The following NIPA1 variants were observed in gnomAD, a reference collection of about 807,000 sequenced individuals.
NIPA1 encodes magnesium transporter NIPA1.
Under a neutral mutation model 23.9 loss-of-function variants are expected in NIPA1, and 13 were observed. The ratio of observed to expected loss-of-function variants is 0.54; its 90% CI spans 0.35 to 0.87. The LOEUF is 0.87. NIPA1 is among the 40% of genes least tolerant of loss of function. The probability of loss-of-function intolerance (pLI) is 0.01; values close to 1 mark genes in which losing one functional copy is unlikely to be tolerated. For synonymous variants in NIPA1, 234 were observed against 202.9 expected, an observed-to-expected ratio of 1.15 and a Z score of -1.30; for missense variants, 362 against 429.7, an observed-to-expected ratio of 0.84 and a Z score of 1.39.
rs1462156557 is a variant in NIPA1, at chr15:22,823,417, G to A, written c.479-311G>A. On this transcript the variant is annotated intron_variant, in intron 4 of 4. Coordinates refer to ENST00000337435, the MANE Select transcript of NIPA1 (RefSeq NM_144599.5). ...GGGTTTCACCATCTTGGCCAGGCTG[G>A]TCTTGAACTCCTGACCTCATGATCC... is the stretch of plus-strand genomic sequence containing the variant. 2.6e-5 allele frequency among the ~76,000 whole-genome samples: 4 copies of A among 151,640 alleles called. No individual in the cohort carries two copies. The East Asian group carries it at 5.8e-4, about 22-fold the overall frequency.
Position 22,824,275 on chromosome 15 carries a change from C to CCATCCA in NIPA1, c.*36_*37insCATCCA. The CCATCCA allele has an allele frequency of 6.3e-7, 1 of 1,575,834 alleles. No individual in the cohort carries two copies. The highest frequency in any genetic ancestry group is 8.7e-7 in the Non-Finnish European group (1 of 1,145,454). On this transcript the variant is annotated 3_prime_UTR_variant, in exon 5 of 5. Transcript: ENST00000337435. This position sits in a 1 kb window ranked among gnomAD's most constrained non-coding sequence, Gnocchi z 4.1. ...GAGCTTGGATGGTTCGAGGAATAGG[C>CCATCCA]ATTGGAGGTGGTTTCTGGCCGTGAT...
In NIPA1 at chr15:22,826,014, T is replaced by C. The variant is rs1274525354; in HGVS notation, c.*1775T>C. 2.0e-5 allele frequency: 3 copies of C among 152,122 alleles called. No individual in the cohort carries two copies. Among genetic ancestry groups the C allele is most frequent in the African/African-American group, 7.2e-5 (3 of 41,390 alleles). 9.4% of individuals were successfully genotyped at this position (152,122 alleles called of 1,614,324 possible). On this transcript the variant is annotated 3_prime_UTR_variant, in exon 5 of 5. Coordinates refer to ENST00000337435, the MANE Select transcript of NIPA1 (RefSeq NM_144599.5). Reference sequence around the variant, plus strand: ...CGCCAAGTTGAAAGATGGGGTTGGGTAAAGTAGATTAGGTGAAGTAGAACA... The same window carrying C: ...CGCCAAGTTGAAAGATGGGGTTGGGCAAAGTAGATTAGGTGAAGTAGAACA...
At chr15:22,786,498 G>A (rs1894699356), upstream of NIPA1, 6 of 163,192 alleles carry the variant, frequency 3.7e-5, no homozygotes, top group Admixed American at 3.9e-4. Context: ...GCAGCCTAAG[G>A]CGCCGGTCCC....
At chr15:22,790,062 G>A (rs979389589) in intron 1 of NIPA1, among the ~76,000 whole-genome samples, 1 of 151,698 alleles carries the variant, frequency 6.6e-6, no homozygotes, top group Non-Finnish European at 1.5e-5. Context: ...CCAAAGTGGT[G>A]GGATTACAGG....
intron 1 of NIPA1, among the ~76,000 whole-genome samples, chr15:22,800,273 A>G (rs1159390944): frequency 6.6e-6 from 1 of 152,166 alleles, no homozygotes; most frequent in Non-Finnish European, 1.5e-5. Flanking sequence ...GATCCCAAGC[A>G]AATTACCATT....
At chr15:22,818,551 CT>C (rs2140873797) in intron 3 of NIPA1, among the ~76,000 whole-genome samples, 1 of 152,088 alleles carries the variant, frequency 6.6e-6, no homozygotes, top group African/African-American at 2.4e-5. Context: ...AATCCCAGCA[CT>C]TTGGGAGGCG....
intron 3 of NIPA1, chr15:22,819,409 TACTG>T (rs1895490195): frequency 6.6e-6 from 1 of 152,180 alleles, no homozygotes; most frequent in Non-Finnish European, 1.5e-5. Context: ...TCCTGTGACT[TACTG>T]AGGGCAAGGT....
chr15:22,793,357 C>CAAA (rs1163603849), intron 1 of NIPA1, among the ~76,000 whole-genome samples: 18,155 of 72,870 alleles, frequency 0.25, 3,201 homozygotes, highest in South Asian at 0.34. Context: ...GACTGTGTCT[C>CAAA]AAAAAAAAAA....
intron 3 of NIPA1, among the ~76,000 whole-genome samples, chr15:22,816,607 T>C (rs1161976820): frequency 1.4e-5 from 2 of 145,294 alleles, no homozygotes; most frequent in Non-Finnish European, 3.0e-5. Context: ...TTCTCCTGCC[T>C]CAGCCTCCGA....
intron 4 of NIPA1, among the ~76,000 whole-genome samples, chr15:22,823,179 G>A (rs1004957996): frequency 1.3e-5 from 2 of 149,628 alleles, no homozygotes; most frequent in African/African-American, 2.5e-5. Flanking sequence ...CCAAAGTGCT[G>A]GGATTACAGG....
Position 22,824,252 on chromosome 15 carries a change from G to A in NIPA1, c.*13G>A. 6.2e-7 allele frequency: 1 copy of A among 1,610,688 alleles called. No individual in the cohort carries two copies. Among genetic ancestry groups the A allele is most frequent in the East Asian group, 2.2e-5 (1 of 44,872 alleles). ...GAAAACAGACTAGATTGCAATAGGA[G>A]CTTGGATGGTTCGAGGAATAGGCAT... On this transcript the variant is annotated 3_prime_UTR_variant, in exon 5 of 5. Transcript: ENST00000337435. The surrounding 1 kb of genome is among the most constrained non-coding windows in gnomAD (Gnocchi z 4.1).
At chr15:22,791,998 A>AGCATAG (rs2088563133) in intron 1 of NIPA1, among the ~76,000 whole-genome samples, 1 of 152,096 alleles carries the variant, frequency 6.6e-6, no homozygotes, top group South Asian at 2.1e-4. Context: ...CGTGCTCTAC[A>AGCATAG]GCATAGGCTC....
intron 4 of NIPA1, 80 bp from the exon 5 acceptor site, chr15:22,823,648 C>T (rs1184506898): frequency 1.2e-5 from 17 of 1,465,732 alleles, no homozygotes; most frequent in African/African-American, 8.3e-5. Flanking sequence ...GGTGGGGGCC[C>T]GGGTGCTGCC....
At chr15:22,789,454 T>G (rs1894784119) in intron 1 of NIPA1, among the ~76,000 whole-genome samples, 1 of 152,160 alleles carries the variant, frequency 6.6e-6, no homozygotes, top group Non-Finnish European at 1.5e-5. Context: ...CCAAGGTCCT[T>G]TCCATCCCTG....
intron 1 of NIPA1, among the ~76,000 whole-genome samples, chr15:22,809,849 G>C (rs570399263): frequency 6.6e-6 from 1 of 152,116 alleles, no homozygotes; most frequent in South Asian, 2.1e-4. Flanking sequence ...AGATCAGCCT[G>C]ACCAACGTGG....
In NIPA1 at chr15:22,825,631, T is replaced by C. The variant is rs951559390; in HGVS notation, c.*1392T>C. 1 of 152,186 alleles carries C rather than the reference T, an allele frequency of 6.6e-6. No homozygotes were observed. Among genetic ancestry groups the C allele is most frequent in the African/African-American group, 2.4e-5 (1 of 41,424 alleles). 9.4% of individuals were successfully genotyped at this position (152,186 alleles called of 1,614,324 possible). A position where few individuals can be genotyped will look rare whatever the true frequency, so the allele number is the denominator to read the frequency against. The stretch of plus-strand genomic sequence containing the variant: ...GAGAGTACCTGTTCAATAGCTCATA[T>C]ATCGAGTACCCTGTCATACAGGAAC... On this transcript the variant is annotated 3_prime_UTR_variant, in exon 5 of 5. Transcript: ENST00000337435.
At chr15:22,807,164 CTT>C (rs1428294157) in intron 1 of NIPA1, among the ~76,000 whole-genome samples, 1 of 152,188 alleles carries the variant, frequency 6.6e-6, no homozygotes. Flanking sequence ...ATTTTGTTCA[CTT>C]TGCCATTCCT....
intron 1 of NIPA1, among the ~76,000 whole-genome samples, chr15:22,797,865 G>T (rs1288393341): frequency 1.4e-3 from 194 of 135,246 alleles, no homozygotes; most frequent in African/African-American, 4.7e-3. Context: ...TTTTTTTTGA[G>T]ACGGAGTCTT....
At chr15:22,817,225 C>T (rs775249281) in intron 3 of NIPA1, among the ~76,000 whole-genome samples, 267 of 148,098 alleles carry the variant, frequency 1.8e-3, no homozygotes, top group Non-Finnish European at 3.2e-3. Context: ...ATCTGCCAGG[C>T]GCAGTGGCTC....
Sources: allele counts gnomAD v4.1 joint callset (sites outside exome capture counted in the v4.1 genomes callset), GRCh38; gene constraint gnomAD v4.1.1; non-coding constraint Gnocchi (gnomAD v3.1); transcripts MANE v1.5; gene names NCBI Gene and HGNC (gene_info 2026-07-23, HGNC 2026-07-21).